Variants in CDH18 observed in about 807,000 individuals in gnomAD.
CDH18 encodes the protein cadherin-18.
In CDH18, 31 loss-of-function variants were observed where a neutral mutation model predicts 67.9. That is an observed-to-expected ratio of 0.46 (90% CI 0.34 to 0.62). The LOEUF (loss-of-function observed/expected upper bound fraction) is 0.62, where lower values mean the gene tolerates loss of function less well. Among genes scored for constraint, CDH18 ranks in the 20% least tolerant of loss-of-function variants. The pLI, the probability that CDH18 is intolerant of heterozygous loss-of-function variation, is 0.01. For missense variants in CDH18, 890 were observed against 975.5 expected (o/e 0.91, Z 1.17); for synonymous variants, 362 against 347.2 (o/e 1.04, Z -0.48).
chr5:20,021,939 A>G (rs2150434798), intron 2 of CDH18, among the ~76,000 whole-genome samples: 1 of 152,336 alleles, frequency 6.6e-6, no homozygotes, highest in East Asian at 1.9e-4. Flanking sequence ...TTGCTTAATA[A>G]AAACAACACA....
chr5:20,198,696 G>A (rs188150142), intron 2 of CDH18, among the ~76,000 whole-genome samples: 28 of 152,108 alleles, frequency 1.8e-4, no homozygotes, highest in Admixed American at 1.7e-3. Context: ...ATGTCTCCAG[G>A]GCATGTCAGA....
At chr5:19,868,083 C>T (rs1411011710) in intron 2 of CDH18, among the ~76,000 whole-genome samples, 4 of 152,120 alleles carry the variant, frequency 2.6e-5, no homozygotes, top group Non-Finnish European at 4.4e-5. Context: ...TCAATTAAAC[C>T]TCTTTCTTTT....
At chr5:20,402,575 G>A (rs1180615846) in intron 1 of CDH18, among the ~76,000 whole-genome samples, 1 of 152,122 alleles carries the variant, frequency 6.6e-6, no homozygotes, top group Non-Finnish European at 1.5e-5. Context: ...GCATTAAAAA[G>A]CTATCTTTAA....
At chr5:19,961,271 A>G (rs995559025) in intron 2 of CDH18, among the ~76,000 whole-genome samples, 1 of 151,188 alleles carries the variant, frequency 6.6e-6, no homozygotes, top group Non-Finnish European at 1.5e-5. Context: ...CCAGCACGCT[A>G]ATTTGTTTTG....
chr5:19,738,195 A>AC (rs11435785), intron 4 of CDH18, among the ~76,000 whole-genome samples: 146,475 of 152,172 alleles, frequency 0.96, 70,733 homozygotes, highest in Middle Eastern at 1. Context: ...TTTTTAAGGG[A>AC]CTACGGACCA....
At chr5:20,566,421 G>A (rs747441471) in intron 1 of CDH18, among the ~76,000 whole-genome samples, 18 of 142,926 alleles carry the variant, frequency 1.3e-4, no homozygotes, top group Non-Finnish European at 2.5e-4. Flanking sequence ...GTGCAGTGGT[G>A]CGATCTCGGC....
chr5:19,738,128 C>T (rs978850304), intron 4 of CDH18, among the ~76,000 whole-genome samples: 9 of 151,908 alleles, frequency 5.9e-5, no homozygotes, highest in African/African-American at 2.2e-4. Context: ...TATTTATTAC[C>T]TATTTAGTTT....
At chr5:19,583,004 T>C (rs1196809394) in intron 7 of CDH18, among the ~76,000 whole-genome samples, 1 of 152,030 alleles carries the variant, frequency 6.6e-6, no homozygotes, top group Non-Finnish European at 1.5e-5. Flanking sequence ...AACAAATTTA[T>C]AACTTTCAGT....
chr5:20,150,101 G>C (rs980457963), intron 2 of CDH18, among the ~76,000 whole-genome samples: 1 of 152,018 alleles, frequency 6.6e-6, no homozygotes, highest in African/African-American at 2.4e-5. Flanking sequence ...TCTGATAATA[G>C]GTATTTTTAA....
intron 2 of CDH18, among the ~76,000 whole-genome samples, chr5:20,203,432 C>A (rs1222782097): frequency 6.6e-6 from 1 of 152,100 alleles, no homozygotes; most frequent in East Asian, 1.9e-4. Flanking sequence ...AAAACACTAG[C>A]CAGCTTTACA....
At chr5:20,198,384 T>C (rs572959037) in intron 2 of CDH18, among the ~76,000 whole-genome samples, 139 of 152,180 alleles carry the variant, frequency 9.1e-4, no homozygotes, top group African/African-American at 3.3e-3. Context: ...GAGGAACTTG[T>C]TGGGAATTGG....
At chr5:20,130,270 AC>A (rs1749160618) in intron 2 of CDH18, among the ~76,000 whole-genome samples, 1 of 151,688 alleles carries the variant, frequency 6.6e-6, no homozygotes, top group Admixed American at 6.6e-5. Context: ...GTTTTAAGGA[AC>A]TTGCTTATGT....
At chr5:19,582,010 T>G (rs1743333823) in intron 7 of CDH18, among the ~76,000 whole-genome samples, 1 of 152,062 alleles carries the variant, frequency 6.6e-6, no homozygotes. Context: ...TTGTGTATAA[T>G]TCTAAGGACA....
At chr5:20,386,093 T>C (rs1744290276) in intron 1 of CDH18, among the ~76,000 whole-genome samples, 1 of 152,190 alleles carries the variant, frequency 6.6e-6, no homozygotes, top group Admixed American at 6.5e-5. Context: ...TTATTATTGC[T>C]TTTCATGCAT....
chr5:19,811,076 G>GA (rs1224897845), intron 3 of CDH18, among the ~76,000 whole-genome samples: 2 of 116,962 alleles, frequency 1.7e-5, no homozygotes, highest in South Asian at 3.0e-4. Flanking sequence ...GGGAGAAAGA[G>GA]AAAAAGAAAG....
intron 9 of CDH18, among the ~76,000 whole-genome samples, chr5:19,528,605 T>G (rs1488930074): frequency 2.0e-5 from 3 of 151,898 alleles, no homozygotes; most frequent in Non-Finnish European, 2.9e-5. Context: ...TGAGAACAGA[T>G]TTGTTGCTGT....
chr5:20,487,330 ATATAAACCTATATATG>A (rs1440019778), intron 1 of CDH18, among the ~76,000 whole-genome samples: 2 of 149,650 alleles, frequency 1.3e-5, no homozygotes, highest in African/African-American at 4.9e-5. Flanking sequence ...AGATACATAT[ATATAAACCTATATATG>A]TATAAACCTA....
intron 2 of CDH18, among the ~76,000 whole-genome samples, chr5:20,179,819 A>G (rs1212221789): frequency 6.6e-6 from 1 of 152,122 alleles, no homozygotes; most frequent in Middle Eastern, 3.2e-3. Context: ...AGGTGAAGAC[A>G]GACAGGCAGG....
At chr5:20,057,915 C>T (rs1742136460) in intron 2 of CDH18, among the ~76,000 whole-genome samples, 1 of 152,114 alleles carries the variant, frequency 6.6e-6, no homozygotes, top group South Asian at 2.1e-4. Flanking sequence ...AGCAATATTA[C>T]TTTTTAAATA....
Sources: gnomAD v4.1 joint callset for allele counts (sites outside exome capture counted in the v4.1 genomes callset) on GRCh38, gnomAD v4.1.1 for gene constraint, MANE v1.5 for transcripts, NCBI Gene and HGNC (gene_info 2026-07-23, HGNC 2026-07-21) for gene names.